The following IFNAR2 variants were observed in gnomAD, a reference collection of about 807,000 sequenced individuals.
The protein encoded by IFNAR2 is interferon alpha/beta receptor 2.
In IFNAR2, 30 loss-of-function variants were observed where a neutral mutation model predicts 49.4. That is an observed-to-expected ratio of 0.61 (90% CI 0.45 to 0.82). The LOEUF (loss-of-function observed/expected upper bound fraction) is 0.82. IFNAR2 is among the 40% of genes least tolerant of loss of function. The pLI, the probability that IFNAR2 is intolerant of heterozygous loss-of-function variation, is 0.00. For missense variants in IFNAR2, 600 were observed against 622.7 expected (o/e 0.96, Z 0.39); for synonymous variants, 224 against 234.5 (o/e 0.96, Z 0.41).
intron 1 of IFNAR2, among the ~76,000 whole-genome samples, chr21:33,233,908 CAAA>C (rs369800912): frequency 1.9e-4 from 26 of 138,108 alleles, no homozygotes; most frequent in African/African-American, 5.6e-4. Context: ...AATATACAGC[CAAA>C]AAAAAAAGAA....
intron 7 of IFNAR2, among the ~76,000 whole-genome samples, chr21:33,254,502 C>T (rs1439997437): frequency 6.6e-6 from 1 of 152,168 alleles, no homozygotes; most frequent in Non-Finnish European, 1.5e-5. Flanking sequence ...AGGTGTTCTT[C>T]CTGATCCAAG....
chr21:33,242,113 A>C, intron 2 of IFNAR2, 136 bp downstream of exon 2: 1 of 689,878 alleles, frequency 1.4e-6, no homozygotes. Context: ...GTCAGGAGTT[A>C]AGTGGAAAGC....
At chr21:33,246,023 C>G (rs1004751793) in intron 4 of IFNAR2, among the ~76,000 whole-genome samples, 1 of 151,612 alleles carries the variant, frequency 6.6e-6, no homozygotes, top group African/African-American at 2.4e-5. Context: ...AGATCTGAGG[C>G]TTCCACCATG....
intron 8 of IFNAR2, 44 bp from the exon 9 acceptor site, chr21:33,262,749 T>TG: frequency 6.7e-7 from 1 of 1,502,922 alleles, no homozygotes; most frequent in Non-Finnish European, 8.9e-7. Context: ...GAGCAAACAG[T>TG]ACAGCTGATA....
intron 6 of IFNAR2, chr21:33,252,161 C>G (rs1401360984): frequency 6.4e-6 from 3 of 470,456 alleles, no homozygotes; most frequent in Non-Finnish European, 1.3e-5. Flanking sequence ...AACTAGACAT[C>G]AGTCAGTTTT....
chr21:33,265,364 A>G lies in IFNAR2; in HGVS notation c.*1864A>G, dbSNP rs1988892592. ...TCAAAGGGGGAAAACTAAAAATTAT[A>G]CAAGTTATAGTTCAAGGACTTTAAA... is the stretch of plus-strand genomic sequence containing the variant. On this transcript the variant is annotated 3_prime_UTR_variant, in exon 9 of 9. Transcript: ENST00000342136. The G allele has an allele frequency of 1.3e-5, 2 of 152,352 alleles. No homozygotes were observed. Among genetic ancestry groups the G allele is most frequent in the Non-Finnish European group, 1.5e-5 (1 of 68,122 alleles). 9.4% of individuals were successfully genotyped at this position (152,352 alleles called of 1,614,324 possible).
intron 7 of IFNAR2, among the ~76,000 whole-genome samples, chr21:33,257,977 C>T (rs1413990658): frequency 6.6e-6 from 1 of 152,144 alleles, no homozygotes; most frequent in Non-Finnish European, 1.5e-5. Flanking sequence ...AACAGGCTAA[C>T]CTCTATGCCA....
At chr21:33,262,704 C>T (rs1421189812) in intron 8 of IFNAR2, 89 bp from the exon 9 acceptor site, 1 of 1,542,880 alleles carries the variant, frequency 6.5e-7, no homozygotes, top group Non-Finnish European at 8.9e-7. Flanking sequence ...CATCCCTGTG[C>T]CCCAGTGATT....
At chr21:33,258,595 G>T (rs1156822849) in intron 7 of IFNAR2, among the ~76,000 whole-genome samples, 1 of 152,134 alleles carries the variant, frequency 6.6e-6, no homozygotes, top group Non-Finnish European at 1.5e-5. Context: ...TGCATCATTT[G>T]TTACGGTGGC....
intron 1 of IFNAR2, among the ~76,000 whole-genome samples, chr21:33,231,995 C>G (rs1986097315): frequency 6.6e-6 from 1 of 152,240 alleles, no homozygotes; most frequent in Non-Finnish European, 1.5e-5. Context: ...CTGCTTTGGA[C>G]TCCCAAAGTG....
intron 1 of IFNAR2, among the ~76,000 whole-genome samples, chr21:33,231,200 CT>C (rs1482117589): frequency 3.9e-5 from 6 of 152,100 alleles, no homozygotes; most frequent in Non-Finnish European, 8.8e-5. Flanking sequence ...CACCCACCCC[CT>C]ATCCACCTGT....
At chr21:33,243,571 A>T in intron 2 of IFNAR2, 102 bp from the exon 3 acceptor site, 1 of 1,068,266 alleles carries the variant, frequency 9.4e-7, no homozygotes, top group East Asian at 2.4e-5. Flanking sequence ...TCTCAATCTG[A>T]TACCAATAAA....
At chr21:33,242,021 G>C (rs761927667) in intron 2 of IFNAR2, 44 bp downstream of exon 2, 1 of 1,587,060 alleles carries the variant, frequency 6.3e-7, no homozygotes, top group South Asian at 1.1e-5. Context: ...AGCAAGCTGT[G>C]ATGCCATCCT....
intron 8 of IFNAR2, 31 bp downstream of exon 8, chr21:33,260,758 TTCTA>T (rs1401667616): frequency 2.9e-6 from 4 of 1,393,236 alleles, no homozygotes; most frequent in Non-Finnish European, 1.9e-6. Flanking sequence ...GTTTTGTTTT[TTCTA>T]TCTTTGTTTT....
Position 33,252,726 on chromosome 21 carries a change from C to G in IFNAR2, c.605C>G (p.Pro202Arg). The change falls in exon 7 of 9, where the codon CCA becomes CGA. Residue 202 changes from proline (P) to arginine (R), a missense_variant. Transcript: ENST00000342136. Reference protein sequence around the residue: ...NFTYIIDKLIPNTNYCVSVYL... With the variant: ...NFTYIIDKLIRNTNYCVSVYL... The stretch of plus-strand genomic sequence containing the variant: ...ACCTATATCATTGACAAGTTAATTC[C>G]AAACACGAACTACTGTGTATCTGTT... 6.2e-7 allele frequency: 1 copy of G among 1,613,404 alleles called. No homozygotes were observed. The highest frequency in any genetic ancestry group is 8.5e-7 in the Non-Finnish European group (1 of 1,179,454).
Position 33,241,921 on chromosome 21 carries a change from A to T in IFNAR2, c.-2A>T. ...CAAGAGAAGACTCTAAAAATAGCAA[A>T]GATGCTTTTGAGCCAGAATGCCTTC... is the stretch of plus-strand genomic sequence containing the variant. On this transcript the variant is annotated 5_prime_UTR_variant, in exon 2 of 9. The change creates a new upstream start codon in the 5' untranslated region. Coordinates refer to ENST00000342136, the MANE Select transcript of IFNAR2 (RefSeq NM_001289125.3). 1.2e-6 allele frequency: 2 copies of T among 1,612,494 alleles called. No homozygotes were observed. The highest frequency in any genetic ancestry group is 1.7e-6 in the Non-Finnish European group (2 of 1,178,842).
chr21:33,238,012 CCTTT>C (rs1031802213), intron 1 of IFNAR2, among the ~76,000 whole-genome samples: 13 of 152,130 alleles, frequency 8.5e-5, no homozygotes, highest in African/African-American at 3.1e-4. Flanking sequence ...TATAGGTCTG[CCTTT>C]CTTTATGGCC....
At chr21:33,236,008 C>T (rs1986422386) in intron 1 of IFNAR2, among the ~76,000 whole-genome samples, 1 of 152,144 alleles carries the variant, frequency 6.6e-6, no homozygotes, top group Non-Finnish European at 1.5e-5. Context: ...TTATGCAAAA[C>T]CAGATTTAAA....
At chr21:33,238,387 C>T (rs769981584) in intron 1 of IFNAR2, among the ~76,000 whole-genome samples, 3 of 152,138 alleles carry the variant, frequency 2.0e-5, no homozygotes, top group Non-Finnish European at 2.9e-5. Flanking sequence ...GACAAGTCTG[C>T]GATTTCATGG....
Sources: gnomAD v4.1 joint callset for allele counts (sites outside exome capture counted in the v4.1 genomes callset) on GRCh38, gnomAD v4.1.1 for gene constraint, MANE v1.5 for transcripts, NCBI Gene and HGNC (gene_info 2026-07-23, HGNC 2026-07-21) for gene names.